Variants in NDST3 observed in about 807,000 individuals in gnomAD.
The protein encoded by NDST3 is bifunctional heparan sulfate N-deacetylase/N-sulfotransferase 3.
A neutral mutation model predicts 96.1 loss-of-function variants in NDST3; 58 were observed. The ratio of observed to expected loss-of-function variants is 0.60; its 90% CI spans 0.49 to 0.75. The LOEUF is 0.75. Among genes scored for constraint, NDST3 ranks in the 30% least tolerant of loss-of-function variants. NDST3 has a pLI of 0.00. For missense variants in NDST3, 788 were observed against 1,034.2 expected (o/e 0.76, Z 3.27); for synonymous variants, 333 against 359.7 (o/e 0.93, Z 0.84).
intron 1 of NDST3, among the ~76,000 whole-genome samples, 168 bp from the exon 2 acceptor site, chr4:118,053,588 A>AT (rs1463710768): frequency 3.3e-5 from 5 of 151,856 alleles, no homozygotes; most frequent in Non-Finnish European, 1.5e-5. Context: ...TCTTTCTACC[A>AT]GTCCCATGTC....
At chr4:118,050,689 G>C (rs1232222546) in intron 1 of NDST3, among the ~76,000 whole-genome samples, 2 of 151,894 alleles carry the variant, frequency 1.3e-5, no homozygotes, top group Non-Finnish European at 2.9e-5. Flanking sequence ...ATCTGTACAA[G>C]GAGAACTAAA....
intron 6 of NDST3, among the ~76,000 whole-genome samples, chr4:118,205,003 T>C (rs1459860722): frequency 6.9e-6 from 1 of 144,814 alleles, no homozygotes; most frequent in East Asian, 2.0e-4. Flanking sequence ...AGTTGCTTTT[T>C]ACTTCATTTT....
intron 12 of NDST3, among the ~76,000 whole-genome samples, chr4:118,251,912 T>C (rs1005818022): frequency 2.0e-5 from 3 of 152,176 alleles, no homozygotes; most frequent in Non-Finnish European, 4.4e-5. Flanking sequence ...TATCTAGTCT[T>C]CTGATTTATG....
At chr4:118,194,052 T>C in intron 6 of NDST3, 2 of 1,444,452 alleles carry the variant, frequency 1.4e-6, no homozygotes, top group Non-Finnish European at 1.9e-6. Flanking sequence ...AATTCATATT[T>C]CAGCTAGGCA....
chr4:118,236,389 A>G (rs1409089038), intron 9 of NDST3, among the ~76,000 whole-genome samples: 1 of 152,202 alleles, frequency 6.6e-6, no homozygotes, highest in Non-Finnish European at 1.5e-5. Context: ...CCATGAGGAT[A>G]TAGAACATGA....
Position 118,079,571 on chromosome 4 carries a change from G to C in NDST3, c.981+24680G>C, listed in dbSNP as rs188831398. On this transcript the variant is annotated intron_variant, in intron 2 of 13. Coordinates refer to ENST00000296499, the MANE Select transcript of NDST3 (RefSeq NM_004784.3). ...GAATGTGAGGGAGCCCAGGATGAGA[G>C]GAATTCAGAAAAACAGACAGGAACC... is the stretch of plus-strand genomic sequence containing the variant. 9.3e-4 allele frequency among the ~76,000 whole-genome samples: 142 copies of C among 152,250 alleles called. 1 individual carries two copies. Among genetic ancestry groups the C allele is most frequent in the Admixed American group, 2.1e-3 (32 of 15,294 alleles).
At chr4:118,116,583 T>C (rs1046290603) in intron 4 of NDST3, among the ~76,000 whole-genome samples, 2 of 152,174 alleles carry the variant, frequency 1.3e-5, no homozygotes, top group Non-Finnish European at 2.9e-5. Context: ...TTAGGCTGGG[T>C]GCAGTGGCTC....
chr4:118,115,302 T>C (rs1437159469), intron 4 of NDST3, among the ~76,000 whole-genome samples: 1 of 152,038 alleles, frequency 6.6e-6, no homozygotes, highest in Non-Finnish European at 1.5e-5. Context: ...CCCAACAAAA[T>C]GAAATACTTT....
chr4:118,255,497 G>C (rs1742059543), intron 13 of NDST3, 96 bp from the exon 14 acceptor site: 3 of 1,260,982 alleles, frequency 2.4e-6, no homozygotes, highest in Non-Finnish European at 3.3e-6. Context: ...TTTTAATCCA[G>C]ATCTGGTATA....
intron 2 of NDST3, among the ~76,000 whole-genome samples, chr4:118,074,611 C>G (rs1266685180): frequency 1.3e-5 from 2 of 152,088 alleles, no homozygotes; most frequent in African/African-American, 4.8e-5. Context: ...TTCTCCATCC[C>G]TTACTTTGAG....
chr4:118,038,314 C>T (rs1327907853), intron 1 of NDST3, among the ~76,000 whole-genome samples: 1 of 152,174 alleles, frequency 6.6e-6, no homozygotes, highest in Non-Finnish European at 1.5e-5. Context: ...TCTTCTCTTG[C>T]ATCACTGGAT....
At chr4:118,186,900 G>A (rs1736997315) in intron 6 of NDST3, among the ~76,000 whole-genome samples, 1 of 152,136 alleles carries the variant, frequency 6.6e-6, no homozygotes, top group Admixed American at 6.5e-5. Context: ...TTACAGTTCA[G>A]GAGAGACCAT....
chr4:118,193,645 G>T, intron 6 of NDST3: 1 of 1,297,674 alleles, frequency 7.7e-7, no homozygotes, highest in Non-Finnish European at 1.1e-6. Flanking sequence ...AGAGCTGCAA[G>T]ACCTTCTGGA....
chr4:118,142,400 C>T (rs969082784), intron 5 of NDST3, among the ~76,000 whole-genome samples: 1 of 150,554 alleles, frequency 6.6e-6, no homozygotes, highest in South Asian at 2.1e-4. Flanking sequence ...ATAATACTAT[C>T]CAAGGGCTAG....
At chr4:118,247,992 T>C (rs781037708) in intron 12 of NDST3, among the ~76,000 whole-genome samples, 17 of 152,202 alleles carry the variant, frequency 1.1e-4, no homozygotes, top group Non-Finnish European at 2.4e-4. Context: ...GTCTTCTAAG[T>C]GTAATCTGAA....
chr4:118,163,516 C>T lies in NDST3; in HGVS notation c.1539+19832C>T, dbSNP rs1158103820. Among the ~76,000 whole-genome samples, 47 of 152,080 alleles carry T rather than the reference C, an allele frequency of 3.1e-4. 2 individuals are homozygous for T. In the South Asian group the frequency reaches 9.8e-3, roughly 32 times the overall value. On this transcript the variant is annotated intron_variant, in intron 6 of 13. Transcript: ENST00000296499. ...TATCGCAAGAACAAAAAACCAAACA[C>T]CGCATATTCTCACTCATAGGTGGGA... is the stretch of plus-strand genomic sequence containing the variant.
At chr4:118,117,123 C>T (rs1263600753) in intron 4 of NDST3, among the ~76,000 whole-genome samples, 1 of 152,058 alleles carries the variant, frequency 6.6e-6, no homozygotes, top group Non-Finnish European at 1.5e-5. Flanking sequence ...AGAAATAAGA[C>T]CAAATATATT....
chr4:118,140,344 T>C (rs550801765), intron 5 of NDST3, among the ~76,000 whole-genome samples: 4 of 152,344 alleles, frequency 2.6e-5, no homozygotes, highest in Non-Finnish European at 4.4e-5. Flanking sequence ...TCTGAATTCC[T>C]ACAACACATC....
chr4:118,089,110 T>C (rs914525245), intron 2 of NDST3, among the ~76,000 whole-genome samples: 3 of 152,000 alleles, frequency 2.0e-5, no homozygotes, highest in Non-Finnish European at 2.9e-5. Context: ...CATTGTTCTA[T>C]AGTAAACACA....
Sources: allele counts gnomAD v4.1 joint callset (sites outside exome capture counted in the v4.1 genomes callset), GRCh38; gene constraint gnomAD v4.1.1; transcripts MANE v1.5; gene names NCBI Gene and HGNC (gene_info 2026-07-23, HGNC 2026-07-21).